The following ZNF564 variants were observed in gnomAD, a reference collection of about 807,000 sequenced individuals.
The protein encoded by ZNF564 is zinc finger protein 564.
In ZNF564, 5 loss-of-function variants were observed where a neutral mutation model predicts 10.5. The ratio of observed to expected loss-of-function variants is 0.48; its 90% CI spans 0.25 to 1.00. The LOEUF (loss-of-function observed/expected upper bound fraction) is 1.00, where lower values mean the gene tolerates loss of function less well. ZNF564 is among the 50% of genes least tolerant of loss of function. The pLI is 0.16. For missense variants in ZNF564, 603 were observed against 669.7 expected, an observed-to-expected ratio of 0.90 and a Z score of 1.10; for synonymous variants, 242 against 218.1, an observed-to-expected ratio of 1.11 and a Z score of -0.97.
At chr19:12,531,238 C>A (rs1221998921) in intron 1 of ZNF564, among the ~76,000 whole-genome samples, 1 of 151,984 alleles carries the variant, frequency 6.6e-6, no homozygotes, top group Non-Finnish European at 1.5e-5. Flanking sequence ...CTTCCCTAAC[C>A]TTTAACAAGA....
intron 1 of ZNF564, among the ~76,000 whole-genome samples, chr19:12,533,465 G>A (rs796870926): frequency 6.6e-4 from 101 of 152,234 alleles, no homozygotes; most frequent in African/African-American, 2.3e-3. Flanking sequence ...AGTGGCTCAC[G>A]CCTATAATCC....
At position 12,532,352 on chromosome 19, in the gene ZNF564, G is replaced by A. The variant is rs374366741; in HGVS notation, c.4-3656C>T. ...AGATTGAGACCATCCTGGCTAACAC[G>A]GTGAAACCCCGTCTCTACTAAAAAT... On this transcript the variant is annotated intron_variant, in intron 1 of 3. Coordinates refer to ENST00000339282, the MANE Select transcript of ZNF564 (RefSeq NM_144976.4). Among the ~76,000 whole-genome samples, 944 of 150,594 alleles carry A rather than the reference G, an allele frequency of 6.3e-3. 26 individuals carry two copies. Among genetic ancestry groups the A allele is most frequent in the East Asian group, 0.06 (307 of 5,146 alleles).
chr19:12,530,238 T>A (rs1341926027), intron 1 of ZNF564: 1 of 152,222 alleles, frequency 6.6e-6, no homozygotes, highest in African/African-American at 2.4e-5. Context: ...AATATTCCTC[T>A]GCAAAAGAAG....
At chr19:12,529,151 T>C (rs950860643) in intron 1 of ZNF564, among the ~76,000 whole-genome samples, 1 of 152,210 alleles carries the variant, frequency 6.6e-6, no homozygotes, top group African/African-American at 2.4e-5. Flanking sequence ...ATAAATATGG[T>C]TGTCAGAATT....
chr19:12,532,236 A>T (rs558153693), intron 1 of ZNF564, among the ~76,000 whole-genome samples: 17 of 149,968 alleles, frequency 1.1e-4, no homozygotes, highest in East Asian at 7.8e-4. Context: ...AAAAAAATTT[A>T]AAAAAAAAAA....
chr19:12,541,058 T>C (rs1599284813), intron 1 of ZNF564, among the ~76,000 whole-genome samples: 1 of 106,628 alleles, frequency 9.4e-6, no homozygotes, highest in African/African-American at 3.8e-5. Flanking sequence ...GGCAAAACCC[T>C]GTCTCTACAA....
intron 1 of ZNF564, among the ~76,000 whole-genome samples, chr19:12,542,777 G>T (rs567542618): frequency 2.9e-4 from 44 of 151,780 alleles, no homozygotes; most frequent in Non-Finnish European, 5.3e-4. Flanking sequence ...GCCGAGGTGG[G>T]TGGATCACCT....
rs185762884 is a variant in ZNF564, at chr19:12,534,706, C to T, written c.4-6010G>A. Among the ~76,000 whole-genome samples, 978 of 152,124 alleles carry T rather than the reference C, an allele frequency of 6.4e-3. 3 individuals are homozygous for T. Among genetic ancestry groups the T allele is most frequent in the Non-Finnish European group, 0.01 (699 of 67,996 alleles). ...GCACATGCATGTAATCCCAGCTACT[C>T]GAGAGGCTGAAGCAGGAGAATTGTC... On this transcript the variant is annotated intron_variant, in intron 1 of 3. Coordinates refer to ENST00000339282, the MANE Select transcript of ZNF564 (RefSeq NM_144976.4).
chr19:12,543,936 G>C (rs1407448711), intron 1 of ZNF564, among the ~76,000 whole-genome samples: 2 of 152,134 alleles, frequency 1.3e-5, no homozygotes, highest in African/African-American at 4.8e-5. Flanking sequence ...GAGACAGCTT[G>C]CTTCCTCTCT....
intron 1 of ZNF564, among the ~76,000 whole-genome samples, chr19:12,544,744 A>G (rs1165124852): frequency 6.6e-6 from 1 of 152,156 alleles, no homozygotes; most frequent in Non-Finnish European, 1.5e-5. Context: ...TCTCCAATAA[A>G]GGCATCTGCC....
chr19:12,541,124 C>A (rs986751805), intron 1 of ZNF564, among the ~76,000 whole-genome samples: 2 of 150,386 alleles, frequency 1.3e-5, no homozygotes, highest in Non-Finnish European at 3.0e-5. Flanking sequence ...GTGGCACGCA[C>A]CTGCAGTTCC....
chr19:12,535,565 G>A (rs1316466666), intron 1 of ZNF564, among the ~76,000 whole-genome samples: 1 of 152,114 alleles, frequency 6.6e-6, no homozygotes, highest in Non-Finnish European at 1.5e-5. Context: ...GATTTTTAGG[G>A]CAGTGAAACT....
chr19:12,543,562 T>C (rs1285240524), intron 1 of ZNF564, among the ~76,000 whole-genome samples: 2 of 149,904 alleles, frequency 1.3e-5, no homozygotes, highest in African/African-American at 4.9e-5. Context: ...TAGTCCCAGC[T>C]ACTCGGGAGG....
At chr19:12,530,678 A>C (rs1015436356) in intron 1 of ZNF564, among the ~76,000 whole-genome samples, 2 of 152,192 alleles carry the variant, frequency 1.3e-5, no homozygotes, top group African/African-American at 4.8e-5. Context: ...CCTCTTTCTC[A>C]AATTTCAAGA....
chr19:12,549,323 G>A (rs1473742987), intron 1 of ZNF564, among the ~76,000 whole-genome samples: 1 of 152,120 alleles, frequency 6.6e-6, no homozygotes, highest in East Asian at 1.9e-4. Flanking sequence ...CTGGAATACA[G>A]ACATTTATCT....
chr19:12,551,447 C>T lies in ZNF564; in HGVS notation c.-115G>A. 7.0e-7 allele frequency: 1 copy of T among 1,435,946 alleles called. No homozygotes were observed. The highest frequency in any genetic ancestry group is 9.1e-7 in the Non-Finnish European group (1 of 1,093,406). 89.0% of individuals were successfully genotyped at this position (1,435,946 alleles called of 1,614,324 possible). A position where few individuals can be genotyped will look rare whatever the true frequency, so the allele number is the denominator to read the frequency against. On this transcript the variant is annotated 5_prime_UTR_variant, in exon 1 of 4. Coordinates refer to ENST00000339282, the MANE Select transcript of ZNF564 (RefSeq NM_144976.4). The stretch of plus-strand genomic sequence containing the variant: ...CCGGGGCCACTGGAGAAGCGGAGAC[C>T]GGAACCCAAACGCAGCGGACACGAA...
Position 12,526,266 on chromosome 19 carries a change from T to A in ZNF564, c.*180A>T. 5.7e-5 allele frequency: 35 copies of A among 608,980 alleles called. No individual in the cohort carries two copies. 37.7% of individuals were successfully genotyped at this position (608,980 alleles called of 1,614,324 possible). The stretch of plus-strand genomic sequence containing the variant: ...AAATTCTTCTTCAGCTCCGAACCGG[T>A]GAAAACCAAACTAGTCATGTATTTC... On this transcript the variant is annotated 3_prime_UTR_variant, in exon 4 of 4. Coordinates refer to ENST00000339282, the MANE Select transcript of ZNF564 (RefSeq NM_144976.4).
In ZNF564 at chr19:12,551,311, C is replaced by T. The variant is rs199910266; in HGVS notation, c.3+19G>A. The T allele has an allele frequency of 2.0e-5, 32 of 1,606,378 alleles. No homozygotes were observed. The highest frequency in any genetic ancestry group is 2.5e-5 in the Non-Finnish European group (30 of 1,176,628). ...AAGCCCCTCCCCCAGTCTCCAGGCG[C>T]CCGGCCCCGCACACGCACCATTTCC... On this transcript the variant is annotated intron_variant, in intron 1 of 3. Coordinates refer to ENST00000339282, the MANE Select transcript of ZNF564 (RefSeq NM_144976.4).
rs1184649427 is a variant in ZNF564, at chr19:12,527,311, C to T, written c.797G>A (p.Ser266Asn). The T allele has an allele frequency of 1.2e-6, 2 of 1,613,796 alleles. No homozygotes were observed. Among genetic ancestry groups the T allele is most frequent in the African/African-American group, 2.7e-5 (2 of 74,846 alleles). Residue 266 changes from serine to asparagine, a missense_variant, in exon 4 of 4, where the codon AGT becomes AAT. Coordinates refer to ENST00000339282, the MANE Select transcript of ZNF564 (RefSeq NM_144976.4). Reference protein sequence around the residue: ...QECGKAFDRPSLFRIHERTHT... With the variant: ...QECGKAFDRPNLFRIHERTHT... Reference sequence around the variant, plus strand: ...AGTTCTTTCATGTATTCGAAATAAACTGGGGCGGTCAAAGGCTTTTCCACA... The same window carrying T: ...AGTTCTTTCATGTATTCGAAATAAATTGGGGCGGTCAAAGGCTTTTCCACA...
Sources: allele counts gnomAD v4.1 joint callset (sites outside exome capture counted in the v4.1 genomes callset), GRCh38; gene constraint gnomAD v4.1.1; transcripts MANE v1.5; gene names NCBI Gene and HGNC (gene_info 2026-07-23, HGNC 2026-07-21).